Variants in EPHA6 observed in about 807,000 individuals in gnomAD.
EPHA6 encodes the protein EPH receptor A6.
EPHA6 carries 50 observed loss-of-function variants against 112.0 expected under a neutral mutation model. That is an observed-to-expected ratio of 0.45 (90% CI 0.36 to 0.56). The LOEUF (loss-of-function observed/expected upper bound fraction) is 0.56. EPHA6 is among the 20% of genes least tolerant of loss of function. The pLI is 0.00. For synonymous variants in EPHA6, 529 were observed against 490.7 expected, an observed-to-expected ratio of 1.08 and a Z score of -1.03; for missense variants, 1,280 against 1,417.4, an observed-to-expected ratio of 0.90 and a Z score of 1.56.
intron 2 of EPHA6, among the ~76,000 whole-genome samples, chr3:96,939,691 A>T (rs151129274): frequency 0.013 from 1,982 of 151,982 alleles, 49 homozygotes; most frequent in African/African-American, 0.045. Context: ...TTTAATTGTG[A>T]TGTTAGGGTG....
At chr3:97,565,396 G>T (rs1165362356) in intron 11 of EPHA6, among the ~76,000 whole-genome samples, 1 of 152,092 alleles carries the variant, frequency 6.6e-6, no homozygotes, top group Non-Finnish European at 1.5e-5. Flanking sequence ...AAATTCTGAA[G>T]AAAAAGTTTT....
At chr3:97,239,663 AG>A (rs1214123362) in intron 4 of EPHA6, among the ~76,000 whole-genome samples, 1 of 151,814 alleles carries the variant, frequency 6.6e-6, no homozygotes, top group Non-Finnish European at 1.5e-5. Context: ...CATTGTCTTC[AG>A]GTTGAGTAAG....
In EPHA6 at chr3:96,982,418, G is replaced by A. The variant is rs1427741512; in HGVS notation, c.451-4912G>A. On this transcript the variant is annotated intron_variant, in intron 2 of 17. Coordinates refer to ENST00000389672, the MANE Select transcript of EPHA6 (RefSeq NM_001080448.3). ...AGTTTGATTGCACTGTGGTCTGAGA[G>A]ACAGTTTGTTATAATTTCTGTTCTT... Among the ~76,000 whole-genome samples, 4 of 152,202 alleles carry A rather than the reference G, an allele frequency of 2.6e-5. No individual in the cohort carries two copies. The South Asian group carries it at 8.3e-4, about 31-fold the overall frequency.
At chr3:97,667,805 C>A (rs533508006) in intron 14 of EPHA6, among the ~76,000 whole-genome samples, 27 of 152,144 alleles carry the variant, frequency 1.8e-4, no homozygotes, top group African/African-American at 5.5e-4. Context: ...TTTCATGGAG[C>A]AAATTAGACT....
At chr3:97,496,438 A>T (rs1161611189) in intron 10 of EPHA6, among the ~76,000 whole-genome samples, 2 of 152,202 alleles carry the variant, frequency 1.3e-5, no homozygotes, top group Admixed American at 1.3e-4. Flanking sequence ...GAAAGCTAAG[A>T]TTTAAAGAGA....
At chr3:97,134,953 A>C (rs1408443888) in intron 3 of EPHA6, among the ~76,000 whole-genome samples, 1 of 152,144 alleles carries the variant, frequency 6.6e-6, no homozygotes. Flanking sequence ...TTGGGATTTA[A>C]TGACAATTGA....
chr3:97,403,741 C>T (rs534771534), intron 5 of EPHA6, among the ~76,000 whole-genome samples: 2 of 152,270 alleles, frequency 1.3e-5, no homozygotes, highest in African/African-American at 4.8e-5. Flanking sequence ...CCACCGCGCC[C>T]GGCCTTTTAA....
At chr3:96,873,530 T>C (rs1449770482) in intron 2 of EPHA6, among the ~76,000 whole-genome samples, 4 of 152,142 alleles carry the variant, frequency 2.6e-5, no homozygotes, top group Non-Finnish European at 4.4e-5. Flanking sequence ...TAATTTTCCT[T>C]AGCCTTCTGT....
chr3:96,835,809 A>G (rs1370564043), intron 1 of EPHA6, among the ~76,000 whole-genome samples: 4 of 152,120 alleles, frequency 2.6e-5, no homozygotes, highest in Non-Finnish European at 5.9e-5. Flanking sequence ...TTAATTATTA[A>G]GTATGTAGTA....
chr3:97,323,164 A>G (rs1012765871), intron 5 of EPHA6, among the ~76,000 whole-genome samples: 8 of 151,882 alleles, frequency 5.3e-5, no homozygotes, highest in African/African-American at 1.9e-4. Flanking sequence ...CTGACAAGAT[A>G]TATGTTTCAT....
chr3:96,844,375 A>G (rs2107339110), intron 1 of EPHA6, among the ~76,000 whole-genome samples: 1 of 152,138 alleles, frequency 6.6e-6, no homozygotes, highest in East Asian at 1.9e-4. Flanking sequence ...AACATACAAA[A>G]ATGTATGTCA....
intron 11 of EPHA6, among the ~76,000 whole-genome samples, chr3:97,538,783 T>A (rs1231071334): frequency 1.3e-5 from 2 of 152,090 alleles, no homozygotes; most frequent in East Asian, 3.9e-4. Flanking sequence ...ATGAAGCATA[T>A]CATGGGAATG....
At chr3:96,834,791 A>G (rs2034300103) in intron 1 of EPHA6, among the ~76,000 whole-genome samples, 1 of 152,040 alleles carries the variant, frequency 6.6e-6, no homozygotes, top group South Asian at 2.1e-4. Flanking sequence ...CCTTATTAAC[A>G]ATGAATTTAT....
chr3:97,517,583 T>C (rs545832124), intron 10 of EPHA6, among the ~76,000 whole-genome samples: 1 of 152,242 alleles, frequency 6.6e-6, no homozygotes, highest in Non-Finnish European at 1.5e-5. Context: ...TTCACATGCT[T>C]ATTTTTGTGG....
chr3:97,570,555 C>G (rs976757213), intron 11 of EPHA6, among the ~76,000 whole-genome samples: 1 of 152,040 alleles, frequency 6.6e-6, no homozygotes, highest in Non-Finnish European at 1.5e-5. Context: ...GATGGTGAAA[C>G]CCCATCTCTA....
At chr3:97,736,222 A>T in intron 16 of EPHA6, 104 bp downstream of exon 16, 1 of 817,246 alleles carries the variant, frequency 1.2e-6, no homozygotes. Flanking sequence ...CTTGATAACC[A>T]TCTAGTTGTT....
At chr3:97,599,067 T>G (rs902864026) in intron 12 of EPHA6, among the ~76,000 whole-genome samples, 4 of 152,162 alleles carry the variant, frequency 2.6e-5, no homozygotes, top group African/African-American at 9.7e-5. Context: ...ATGTCTTCTT[T>G]TGAGAAGTGT....
intron 3 of EPHA6, among the ~76,000 whole-genome samples, chr3:97,172,076 C>T (rs1332421495): frequency 6.6e-6 from 1 of 151,798 alleles, no homozygotes; most frequent in Non-Finnish European, 1.5e-5. Context: ...GAGGGGAAGC[C>T]AGGTTGTAAT....
intron 5 of EPHA6, among the ~76,000 whole-genome samples, chr3:97,328,080 A>G (rs543986516): frequency 1.3e-4 from 9 of 71,384 alleles, no homozygotes; most frequent in African/African-American, 7.5e-4. Flanking sequence ...TATATATATA[A>G]CCTGTTTTGT....
Sources: gnomAD v4.1 joint callset for allele counts (sites outside exome capture counted in the v4.1 genomes callset) on GRCh38, gnomAD v4.1.1 for gene constraint, MANE v1.5 for transcripts, NCBI Gene and HGNC (gene_info 2026-07-23, HGNC 2026-07-21) for gene names.